The following GLIS3 variants were observed in gnomAD, a reference collection of about 807,000 sequenced individuals.
The protein encoded by GLIS3 is GLIS family zinc finger 3, also known as zinc finger protein GLIS3.
In GLIS3, 53 loss-of-function variants were observed where a neutral mutation model predicts 78.6. That is an observed-to-expected ratio of 0.67 (90% confidence interval 0.54 to 0.85). GLIS3 has a LOEUF of 0.85. Among genes scored for constraint, GLIS3 ranks in the 40% least tolerant of loss-of-function variants. The pLI, the probability that GLIS3 is intolerant of heterozygous loss-of-function variation, is 0.00. For missense variants in GLIS3, 1,703 were observed against 1,231.1 expected, an observed-to-expected ratio of 1.38 and a Z score of -5.74; for synonymous variants, 684 against 509.9, an observed-to-expected ratio of 1.34 and a Z score of -4.60.
At chr9:4,396,064 G>A in the GLIS3 span, among the ~76,000 whole-genome samples, 14 of 151,294 alleles carry the variant, frequency 9.3e-5, no homozygotes, top group Non-Finnish European at 1.3e-4. Flanking sequence ...GAGCCACTGC[G>A]CCTAGCCTGG....
At chr9:4,276,831 A>G (rs1312744081) in intron 2 of GLIS3, among the ~76,000 whole-genome samples, 2 of 152,224 alleles carry the variant, frequency 1.3e-5, no homozygotes, top group Admixed American at 6.5e-5. Flanking sequence ...AGTAAACAAA[A>G]GTAAACATTG....
intron 4 of GLIS3, among the ~76,000 whole-genome samples, chr9:3,957,854 C>T (rs1417582702): frequency 6.6e-6 from 1 of 152,206 alleles, no homozygotes; most frequent in Non-Finnish European, 1.5e-5. Flanking sequence ...TATTGCAAGG[C>T]TGTGCAAAAT....
intron 8 of GLIS3, among the ~76,000 whole-genome samples, chr9:3,875,813 G>A (rs928353380): frequency 6.6e-6 from 1 of 152,078 alleles, no homozygotes; most frequent in Non-Finnish European, 1.5e-5. Context: ...TAGCAGCAAG[G>A]CAAAACCACA....
intron 9 of GLIS3, among the ~76,000 whole-genome samples, chr9:3,854,406 G>A (rs935395609): frequency 6.6e-6 from 1 of 152,210 alleles, no homozygotes; most frequent in Non-Finnish European, 1.5e-5. Context: ...GCTACACTGG[G>A]GAAGTGGGGA....
intron 2 of GLIS3, among the ~76,000 whole-genome samples, chr9:4,321,094 A>G (rs907457441): frequency 2.7e-5 from 4 of 150,176 alleles, no homozygotes; most frequent in Non-Finnish European, 4.4e-5. Flanking sequence ...CTAATTTTTA[A>G]GTCCCCAATA....
At chr9:4,255,209 C>T (rs1448425113) in intron 2 of GLIS3, among the ~76,000 whole-genome samples, 2 of 152,182 alleles carry the variant, frequency 1.3e-5, no homozygotes, top group African/African-American at 4.8e-5. Flanking sequence ...ACACTGACAA[C>T]ATCAAATGCT....
chr9:3,828,963 T>A (rs1389596704), intron 10 of GLIS3, among the ~76,000 whole-genome samples: 1 of 152,138 alleles, frequency 6.6e-6, no homozygotes, highest in Non-Finnish European at 1.5e-5. Flanking sequence ...TTAATATATT[T>A]GAGCAGAAAA....
At chr9:4,003,168 C>T (rs1378223570) in intron 4 of GLIS3, among the ~76,000 whole-genome samples, 3 of 152,044 alleles carry the variant, frequency 2.0e-5, no homozygotes, top group Non-Finnish European at 2.9e-5. Context: ...TCACTTGGGC[C>T]CAGGAGTCTG....
intron 4 of GLIS3, among the ~76,000 whole-genome samples, chr9:4,064,803 T>C (rs914415417): frequency 6.6e-6 from 1 of 152,150 alleles, no homozygotes; most frequent in Non-Finnish European, 1.5e-5. Flanking sequence ...TTTTCTCATA[T>C]AGGGAAGTAG....
intron 4 of GLIS3, among the ~76,000 whole-genome samples, chr9:4,009,211 C>G (rs1413654356): frequency 6.6e-6 from 1 of 152,204 alleles, no homozygotes; most frequent in African/African-American, 2.4e-5. Context: ...ATGAAAATTG[C>G]TCACACGGAG....
the GLIS3 span, among the ~76,000 whole-genome samples, chr9:4,391,753 C>T: frequency 6.6e-6 from 1 of 152,134 alleles, no homozygotes. Flanking sequence ...AACACACATC[C>T]AGTACCTGGT....
At chr9:3,973,223 A>G (rs1022700321) in intron 4 of GLIS3, among the ~76,000 whole-genome samples, 5 of 152,164 alleles carry the variant, frequency 3.3e-5, no homozygotes, top group African/African-American at 1.2e-4. Flanking sequence ...ATGTGTGACA[A>G]TATACACGGA....
rs746756116 is a variant in GLIS3, at chr9:3,856,076, A to C, written c.2406T>G (p.Gly802=). 3 of 1,614,218 alleles carry C rather than the reference A, an allele frequency of 1.9e-6. No individual in the cohort carries two copies. Among genetic ancestry groups the C allele is most frequent in the Middle Eastern group, 1.6e-4 (1 of 6,062 alleles). ...CTGGCTGATAGGACTTCAGGTGTGA[A>C]CCTGATGGCTGCTGGGTATAGGGAG... The part of the protein sequence containing the change: ...TQPPYTQQPS[G]SHLKSYQPET... The change falls in exon 9 of 11, where the codon GGT becomes GGG. Residue 802 remains glycine, a synonymous_variant. Coordinates refer to ENST00000381971, the MANE Select transcript of GLIS3 (RefSeq NM_001042413.2).
rs1817630082 is a variant in GLIS3, at chr9:3,824,632, G to A, written c.*3640C>T. The A allele has an allele frequency of 6.6e-6, 1 of 152,566 alleles. No individual in the cohort carries two copies. The highest frequency in any genetic ancestry group is 2.1e-4 in the South Asian group (1 of 4,832). 9.5% of individuals were successfully genotyped at this position (152,566 alleles called of 1,614,324 possible). A position where few individuals can be genotyped will look rare whatever the true frequency, so the allele number is the denominator to read the frequency against. On this transcript the variant is annotated 3_prime_UTR_variant, in exon 11 of 11. Coordinates refer to ENST00000381971, the MANE Select transcript of GLIS3 (RefSeq NM_001042413.2). ...ACTATACATATTAATAGAAAAAAGT[G>A]TACCTAATTCTTTAAAAGATTTATG...
At chr9:3,964,606 TG>T in intron 4 of GLIS3, among the ~76,000 whole-genome samples, 1 of 152,334 alleles carries the variant, frequency 6.6e-6, no homozygotes, top group South Asian at 2.1e-4. Context: ...CTCCAGCAGA[TG>T]ATATTTCTAT....
intron 2 of GLIS3, among the ~76,000 whole-genome samples, chr9:4,165,297 C>T (rs896728845): frequency 3.9e-5 from 6 of 152,042 alleles, no homozygotes; most frequent in East Asian, 1.9e-4. Flanking sequence ...AAAAATTAGC[C>T]GGGCGTGGTG....
chr9:3,931,863 C>G (rs1825641760), intron 6 of GLIS3, among the ~76,000 whole-genome samples: 1 of 152,166 alleles, frequency 6.6e-6, no homozygotes, highest in South Asian at 2.1e-4. Flanking sequence ...TCTGCTTTTT[C>G]TCTAAGCTTA....
the GLIS3 span, among the ~76,000 whole-genome samples, chr9:4,387,461 C>G: frequency 6.6e-6 from 1 of 152,152 alleles, no homozygotes; most frequent in Non-Finnish European, 1.5e-5. Context: ...TTTCTTTCAG[C>G]TCTTGTCGTT....
intron 4 of GLIS3, among the ~76,000 whole-genome samples, chr9:4,080,127 G>A (rs1828430136): frequency 6.6e-6 from 1 of 152,210 alleles, no homozygotes; most frequent in Non-Finnish European, 1.5e-5. Flanking sequence ...CTGGCTTTAT[G>A]ACTGGGTTGA....
Sources: gnomAD v4.1 joint callset for allele counts (sites outside exome capture counted in the v4.1 genomes callset) on GRCh38, gnomAD v4.1.1 for gene constraint, MANE v1.5 for transcripts, NCBI Gene and HGNC (gene_info 2026-07-23, HGNC 2026-07-21) for gene names.